The following CLCA2 variants were observed in gnomAD, a reference collection of about 807,000 sequenced individuals.
The protein encoded by CLCA2 is calcium-activated chloride channel regulator 2.
A neutral mutation model predicts 82.9 loss-of-function variants in CLCA2; 85 were observed. The ratio of observed to expected loss-of-function variants is 1.03; its 90% CI spans 0.86 to 1.23. The LOEUF (loss-of-function observed/expected upper bound fraction) is 1.23, where lower values mean the gene tolerates loss of function less well. CLCA2 is among the 50% of genes most tolerant of loss of function. The pLI is 0.00. For synonymous variants in CLCA2, 421 were observed against 391.7 expected (o/e 1.07, Z -0.88); for missense variants, 1,089 against 1,124.8 (o/e 0.97, Z 0.45).
intron 7 of CLCA2, among the ~76,000 whole-genome samples, chr1:86,439,878 A>G (rs190689307): frequency 3.5e-4 from 54 of 152,300 alleles, no homozygotes; most frequent in Non-Finnish European, 7.2e-4. Context: ...AGCCTCTCAC[A>G]CAATAATGTA....
intron 11 of CLCA2, chr1:86,448,125 A>G (rs1019145223): frequency 9.2e-6 from 2 of 218,032 alleles, no homozygotes; most frequent in African/African-American, 2.3e-5. Context: ...TAGCTTTATT[A>G]TTCACTGAAG....
Position 86,432,431 on chromosome 1 carries a change from G to C in CLCA2, c.647G>C (p.Cys216Ser), listed in dbSNP as rs1662520272. 1.2e-6 allele frequency: 2 copies of C among 1,614,008 alleles called. No homozygotes were observed. The highest frequency in any genetic ancestry group is 1.7e-6 in the Non-Finnish European group (2 of 1,179,958). The change falls in exon 5 of 14, where the codon TGT becomes TCT. Residue 216 changes from cysteine to serine, a missense_variant. Transcript: ENST00000370565. ...CEKGPCPQEN[C>S]IISKLFKEGC... The stretch of plus-strand genomic sequence containing the variant: ...AAAGGTCCTTGCCCCCAAGAAAACT[G>C]TATTATTAGTAAGCTTTTTAAAGAA...
intron 3 of CLCA2, among the ~76,000 whole-genome samples, chr1:86,430,246 C>T (rs1662467681): frequency 6.6e-6 from 1 of 151,988 alleles, no homozygotes; most frequent in African/African-American, 2.4e-5. Flanking sequence ...TGGGGGTTTC[C>T]CTGACCTAGG....
chr1:86,429,631 G>C (rs1413429), intron 3 of CLCA2, among the ~76,000 whole-genome samples: 51,177 of 152,006 alleles, frequency 0.34, 8,792 homozygotes, highest in East Asian at 0.41. Flanking sequence ...ATCTGAGGGA[G>C]AAAATAGTAA....
chr1:86,455,398 T>C lies in CLCA2; in HGVS notation c.2703T>C (p.Leu901=). The C allele has an allele frequency of 6.2e-7, 1 of 1,608,834 alleles. No homozygotes were observed. Among genetic ancestry groups the C allele is most frequent in the Non-Finnish European group, 8.5e-7 (1 of 1,178,380 alleles). ...NSDPVPARDY[L]ILKGVLTAMG... ...ATCCTGTACCTGCCAGAGATTATCTTATATTGAAAGGAGTTTTAACAGCAA... is the reference window on the plus strand; with the variant it reads ...ATCCTGTACCTGCCAGAGATTATCTCATATTGAAAGGAGTTTTAACAGCAA... Residue 901 remains leucine (L), a synonymous_variant, in exon 14 of 14, where the codon CTT becomes CTC. Coordinates refer to ENST00000370565, the MANE Select transcript of CLCA2 (RefSeq NM_006536.7).
intron 11 of CLCA2, among the ~76,000 whole-genome samples, chr1:86,449,947 A>G (rs1662930132): frequency 6.6e-6 from 1 of 152,186 alleles, no homozygotes; most frequent in South Asian, 2.1e-4. Flanking sequence ...ATGCCCCCTG[A>G]AGCAAGGCAC....
chr1:86,428,218 T>G (rs1180760434), intron 2 of CLCA2, among the ~76,000 whole-genome samples, 200 bp from the exon 3 acceptor site: 1 of 152,196 alleles, frequency 6.6e-6, no homozygotes, highest in African/African-American at 2.4e-5. Context: ...GTGATTTTAT[T>G]GATATGTAGC....
chr1:86,445,895 C>T (rs1662842614), intron 10 of CLCA2, among the ~76,000 whole-genome samples: 1 of 152,156 alleles, frequency 6.6e-6, no homozygotes. Context: ...GTGCCTGGCT[C>T]ATCACACAGT....
chr1:86,436,253 C>T (rs12146009), intron 6 of CLCA2, among the ~76,000 whole-genome samples: 38,478 of 152,130 alleles, frequency 0.25, 5,209 homozygotes, highest in Admixed American at 0.31. Flanking sequence ...CACTCAGTGA[C>T]ATCACATTGA....
At chr1:86,429,189 G>A (rs1357067797) in intron 3 of CLCA2, among the ~76,000 whole-genome samples, 1 of 152,146 alleles carries the variant, frequency 6.6e-6, no homozygotes, top group South Asian at 2.1e-4. Context: ...CGAGGTATGA[G>A]GCCACAAGAC....
At chr1:86,435,455 G>T (rs1662588764) in intron 6 of CLCA2, among the ~76,000 whole-genome samples, 1 of 152,128 alleles carries the variant, frequency 6.6e-6, no homozygotes, top group African/African-American at 2.4e-5. Flanking sequence ...CCATTATATG[G>T]CTATTTTCCA....
rs771699344 is a variant in CLCA2, at chr1:86,447,575, C to T, written c.1781C>T (p.Thr594Ile). ...HSLQALKVTV[T>I]SRASNSAVPP... ...CTGCAAGCCCTGAAAGTGACAGTGA[C>T]CTCTCGCGCCTCCAACTCAGCTGTG... The change falls in exon 11 of 14, where the codon ACC (threonine) becomes ATC (isoleucine). Residue 594 changes from threonine (T) to isoleucine (I), a missense_variant. By Grantham distance (89) the Thr-to-Ile change is moderately conservative. Coordinates refer to ENST00000370565, the MANE Select transcript of CLCA2 (RefSeq NM_006536.7). 6.2e-7 allele frequency: 1 copy of T among 1,614,110 alleles called. No homozygotes were observed. The highest frequency in any genetic ancestry group is 8.5e-7 in the Non-Finnish European group (1 of 1,180,006).
rs2390059 is a variant in CLCA2 at position 86,443,810 on chromosome 1, C to G, written c.1512C>G (p.Val504=). The G allele has an allele frequency of 3.4e-5, 55 of 1,613,500 alleles. No individual in the cohort carries two copies. The highest frequency in any genetic ancestry group is 5.9e-6 in the Non-Finnish European group (7 of 1,179,708). The change falls in exon 10 of 14, where the codon GTC becomes GTG. Residue 504 remains valine, a synonymous_variant. Transcript: ENST00000370565. ...AGCTTGAAAGTACAGGTGAAAATGT[C>G]AAACCTCACCATCAATTGAAAAACA... ...HIQLESTGEN[V]KPHHQLKNTV...
Position 86,440,289 on chromosome 1 carries a change from G to A in CLCA2, c.1345G>A (p.Ala449Thr). The A allele has an allele frequency of 1.9e-6, 3 of 1,613,976 alleles. No individual in the cohort carries two copies. Among genetic ancestry groups the A allele is most frequent in the Non-Finnish European group, 8.5e-7 (1 of 1,179,972 alleles). Residue 449 changes from alanine (A) to threonine (T), a missense_variant, in exon 8 of 14, where the codon GCA (alanine) becomes ACA (threonine). Ala to Thr is a moderately conservative substitution (Grantham distance 58). Coordinates refer to ENST00000370565, the MANE Select transcript of CLCA2 (RefSeq NM_006536.7). ...TIHSIALGSS[A>T]APNLEELSRL... ...TCACTCCATTGCCCTGGGTTCATCT[G>A]CAGCCCCAAATCTGGAGGAATTATC...
Position 86,428,454 on chromosome 1 carries a change from G to A in CLCA2, c.361G>A (p.Gly121Arg). ...AGTGACTGACTGGTATGGGGCACAT[G>A]GAGATGATCCATACACCCTACAATA... ...VIVTDWYGAHGDDPYTLQYRG... is the reference protein window; with the variant it reads ...VIVTDWYGAHRDDPYTLQYRG... Residue 121 changes from glycine (G) to arginine (R), a missense_variant, in exon 3 of 14, where the codon GGA (glycine) becomes AGA (arginine). Physicochemically the swap from Gly to Arg is moderately radical, Grantham distance 125 (BLOSUM62 -2). Transcript: ENST00000370565. 6.2e-7 allele frequency: 1 copy of A among 1,611,944 alleles called. No homozygotes were observed. Among genetic ancestry groups the A allele is most frequent in the Non-Finnish European group, 8.5e-7 (1 of 1,178,976 alleles).
In CLCA2 at chr1:86,455,202, T is replaced by C. The variant is rs1339744631; in HGVS notation, c.2507T>C (p.Ile836Thr). ...RNPQQAGIREIFTFSPQISTN... is the reference protein window; with the variant it reads ...RNPQQAGIRETFTFSPQISTN... ...CCTCAGCAAGCTGGCATCAGGGAGA[T>C]ATTTACGTTCTCACCCCAAATTTCC... is the stretch of plus-strand genomic sequence containing the variant. The change falls in exon 14 of 14, where the codon ATA becomes ACA. Residue 836 changes from isoleucine (I) to threonine (T), a missense_variant. By Grantham distance (89) the Ile-to-Thr change is moderately conservative. Coordinates refer to ENST00000370565, the MANE Select transcript of CLCA2 (RefSeq NM_006536.7). The C allele has an allele frequency of 1.2e-6, 2 of 1,614,058 alleles. No homozygotes were observed. The highest frequency in any genetic ancestry group is 1.7e-6 in the Non-Finnish European group (2 of 1,179,948).
intron 9 of CLCA2, among the ~76,000 whole-genome samples, chr1:86,442,900 A>G (rs1662765684): frequency 1.3e-5 from 2 of 152,348 alleles, no homozygotes; most frequent in East Asian, 1.9e-4. Context: ...AATAGTATTT[A>G]TCACAGAGGA....
intron 6 of CLCA2, 130 bp from the exon 7 acceptor site, chr1:86,438,746 T>A (rs541478022): frequency 1.3e-6 from 1 of 741,524 alleles, no homozygotes; most frequent in African/African-American, 1.8e-5. Context: ...TGTTACTCTT[T>A]AAAGCTCAAA....
intron 2 of CLCA2, among the ~76,000 whole-genome samples, chr1:86,426,037 CT>C (rs993927288): frequency 3.3e-5 from 5 of 151,384 alleles, no homozygotes; most frequent in East Asian, 1.9e-4. Context: ...GAATGGCTAC[CT>C]TTTTTTTTCC....
Sources: allele counts gnomAD v4.1 joint callset (sites outside exome capture counted in the v4.1 genomes callset), GRCh38; gene constraint gnomAD v4.1.1; transcripts MANE v1.5; gene names NCBI Gene and HGNC (gene_info 2026-07-23, HGNC 2026-07-21).